Variants in EYS observed in about 807,000 individuals in gnomAD.
EYS encodes the protein protein eyes shut homolog.
A neutral mutation model predicts 282.1 loss-of-function variants in EYS; 250 were observed. The observed-to-expected ratio is 0.89, with a 90% CI of 0.80 to 0.98. The LOEUF (loss-of-function observed/expected upper bound fraction) is 0.98. Among genes scored for constraint, EYS ranks in the 50% least tolerant of loss-of-function variants. The probability of loss-of-function intolerance (pLI) is 0.00; values close to 1 mark genes in which losing one functional copy is unlikely to be tolerated. For synonymous variants in EYS, 1,355 were observed against 1,282.9 expected, an observed-to-expected ratio of 1.06 and a Z score of -1.20; for missense variants, 4,016 against 3,709.0, an observed-to-expected ratio of 1.08 and a Z score of -2.15.
chr6:64,640,336 T>C (rs1768089824), intron 22 of EYS, among the ~76,000 whole-genome samples: 1 of 151,686 alleles, frequency 6.6e-6, no homozygotes, highest in African/African-American at 2.4e-5. Flanking sequence ...CCAACAATGA[T>C]AGACTGGATT....
intron 42 of EYS, among the ~76,000 whole-genome samples, chr6:63,722,156 C>T (rs769884872): frequency 3.9e-5 from 6 of 152,176 alleles, no homozygotes; most frequent in Non-Finnish European, 7.4e-5. Context: ...ATTCTCTGCA[C>T]ATTCCTGGCT....
At chr6:64,187,197 A>T (rs1351531401) in intron 31 of EYS, among the ~76,000 whole-genome samples, 1 of 151,912 alleles carries the variant, frequency 6.6e-6, no homozygotes, top group Non-Finnish European at 1.5e-5. Flanking sequence ...GGTGCTTTTT[A>T]TCTCCCTTCT....
chr6:63,845,000 AT>A (rs1351497959), intron 36 of EYS, among the ~76,000 whole-genome samples: 1 of 152,130 alleles, frequency 6.6e-6, no homozygotes, highest in Non-Finnish European at 1.5e-5. Context: ...TGGGTTTTAC[AT>A]TTAAGTCTTT....
chr6:65,028,415 T>A (rs1435182939), intron 13 of EYS, among the ~76,000 whole-genome samples: 1 of 151,950 alleles, frequency 6.6e-6, no homozygotes, highest in Non-Finnish European at 1.5e-5. Context: ...ATTACTGCAG[T>A]ATGTGTTTTC....
chr6:63,832,171 G>A (rs1426180846), intron 36 of EYS, among the ~76,000 whole-genome samples: 1 of 152,100 alleles, frequency 6.6e-6, no homozygotes. Flanking sequence ...AGAAGTAAGA[G>A]CAAACACATT....
intron 22 of EYS, among the ~76,000 whole-genome samples, chr6:64,709,216 C>T (rs1771127474): frequency 6.6e-6 from 1 of 152,030 alleles, no homozygotes; most frequent in Non-Finnish European, 1.5e-5. Flanking sequence ...ATTTTTATAA[C>T]TTATACCATC....
intron 2 of EYS, among the ~76,000 whole-genome samples, chr6:65,627,872 A>G (rs900575463): frequency 6.6e-6 from 1 of 151,846 alleles, no homozygotes; most frequent in Non-Finnish European, 1.5e-5. Flanking sequence ...AGCGAGCACC[A>G]CCCCCTGCTC....
At position 64,888,513 on chromosome 6, in the gene EYS, G is replaced by T. The variant is rs566249315; in HGVS notation, c.2847-1671C>A. ...GAAAAAGAAAGAGTAAGGAATCTTT[G>T]TATCAGTTGGACAGAAGGCATTAAA... On this transcript the variant is annotated intron_variant, in intron 18 of 42. Coordinates refer to ENST00000503581, the MANE Select transcript of EYS (RefSeq NM_001142800.2). Among the ~76,000 whole-genome samples, 8 of 152,050 alleles carry T rather than the reference G, an allele frequency of 5.3e-5. No individual in the cohort carries two copies. In the South Asian group the frequency reaches 1.7e-3, roughly 32 times the overall value.
intron 12 of EYS, among the ~76,000 whole-genome samples, chr6:65,279,838 T>A (rs1768166569): frequency 6.6e-6 from 1 of 152,180 alleles, no homozygotes. Flanking sequence ...AAAGACAACG[T>A]GTTCATTCTT....
Position 65,380,978 on chromosome 6 carries a change from G to A in EYS, c.1299+3408C>T, listed in dbSNP as rs375942847. The stretch of plus-strand genomic sequence containing the variant: ...AAACGTGGAAATAATAGATGCTGGC[G>A]AGGATGCGGAGAAATAGGAATGCAT... On this transcript the variant is annotated intron_variant, in intron 8 of 42. Coordinates refer to ENST00000503581, the MANE Select transcript of EYS (RefSeq NM_001142800.2). Among the ~76,000 whole-genome samples the A allele has an allele frequency of 5.3e-5, 8 of 152,208 alleles. No homozygotes were observed. The South Asian group carries it at 6.2e-4, about 12-fold the overall frequency.
chr6:64,414,103 T>C (rs920903733), intron 28 of EYS, among the ~76,000 whole-genome samples: 2 of 152,174 alleles, frequency 1.3e-5, no homozygotes, highest in African/African-American at 2.4e-5. Flanking sequence ...CAGTTCATAG[T>C]ATTTTGTTAC....
chr6:65,699,556 C>T (rs966590910), intron 1 of EYS, among the ~76,000 whole-genome samples: 1 of 152,088 alleles, frequency 6.6e-6, no homozygotes, highest in Non-Finnish European at 1.5e-5. Context: ...CTGACATGAA[C>T]ATGTATAGTA....
intron 26 of EYS, among the ~76,000 whole-genome samples, chr6:64,464,358 A>G (rs1030680419): frequency 2.0e-5 from 3 of 152,170 alleles, no homozygotes; most frequent in Non-Finnish European, 4.4e-5. Flanking sequence ...GTGAAAAGTT[A>G]TAAGCTCTCA....
chr6:65,522,019 C>T (rs1284414674), intron 2 of EYS, among the ~76,000 whole-genome samples: 1 of 152,084 alleles, frequency 6.6e-6, no homozygotes, highest in Non-Finnish European at 1.5e-5. Context: ...CTGTGGGTCT[C>T]TTCTTACAAA....
chr6:64,201,520 G>T (rs1449484507), intron 31 of EYS, among the ~76,000 whole-genome samples: 1 of 152,086 alleles, frequency 6.6e-6, no homozygotes, highest in Non-Finnish European at 1.5e-5. Context: ...CACTTTTGCT[G>T]TCTGAGAGTG....
chr6:64,029,253 T>C (rs962353254), intron 33 of EYS, among the ~76,000 whole-genome samples: 51 of 152,184 alleles, frequency 3.4e-4, no homozygotes, highest in African/African-American at 1.2e-3. Context: ...TACTCAGACT[T>C]GTGGGACAAC....
chr6:64,105,741 C>T (rs1468868209), intron 31 of EYS, among the ~76,000 whole-genome samples: 1 of 152,058 alleles, frequency 6.6e-6, no homozygotes, highest in Non-Finnish European at 1.5e-5. Context: ...AAGTTTCCTC[C>T]ATGTTCTTTC....
At chr6:64,434,374 G>A (rs913675998) in intron 28 of EYS, among the ~76,000 whole-genome samples, 6 of 152,006 alleles carry the variant, frequency 3.9e-5, no homozygotes, top group Non-Finnish European at 7.4e-5. Context: ...AGTAAAATAG[G>A]CATTATAAGT....
rs190531099 is a variant in EYS at position 65,645,026 on chromosome 6, C to G, written c.-447-5134G>C. On this transcript the variant is annotated intron_variant, in intron 1 of 42. Coordinates refer to ENST00000503581, the MANE Select transcript of EYS (RefSeq NM_001142800.2). ...AACAAGGTATTCAGGCAACAAATAG[C>G]ATGATGAATAGGATAATAATACCTC... is the stretch of plus-strand genomic sequence containing the variant. Among the ~76,000 whole-genome samples, 14 of 152,168 alleles carry G rather than the reference C, an allele frequency of 9.2e-5. No individual in the cohort carries two copies. The East Asian group carries it at 2.5e-3, about 27-fold the overall frequency.
Sources: allele counts gnomAD v4.1 joint callset (sites outside exome capture counted in the v4.1 genomes callset), GRCh38; gene constraint gnomAD v4.1.1; transcripts MANE v1.5; gene names NCBI Gene and HGNC (gene_info 2026-07-23, HGNC 2026-07-21).